GRIN1: variants seen among roughly 807,000 people sequenced by gnomAD.
The protein encoded by GRIN1 is glutamate receptor ionotropic, NMDA 1.
Under a neutral mutation model 103.0 loss-of-function variants are expected in GRIN1, and 38 were observed. The observed-to-expected ratio is 0.37, with a 90% CI of 0.28 to 0.48. The LOEUF (loss-of-function observed/expected upper bound fraction) is 0.48. Among genes scored for constraint, GRIN1 ranks in the 20% least tolerant of loss-of-function variants. The pLI is 0.98. For synonymous variants in GRIN1, 544 were observed against 532.7 expected (o/e 1.02, Z -0.29); for missense variants, 577 against 1,288.9 (o/e 0.45, Z 8.46).
At chr9:137,145,934 C>T (rs764238965) in intron 3 of GRIN1, 32 bp downstream of exon 3, 29 of 1,536,596 alleles carry the variant, frequency 1.9e-5, no homozygotes, top group Non-Finnish European at 2.5e-5. Context: ...GGGCGCCTGG[C>T]GGAGCCGAGG....
chr9:137,148,407 G>A (rs1235915756), intron 3 of GRIN1, among the ~76,000 whole-genome samples: 7 of 152,164 alleles, frequency 4.6e-5, no homozygotes, highest in Admixed American at 2.0e-4. Flanking sequence ...AGGCCCACCC[G>A]CCGTGACCCT....
Position 137,163,793 on chromosome 9 carries a change from C to T in GRIN1, c.2478C>T (p.Ala826=), listed in dbSNP as rs373412140. The T allele has an allele frequency of 3.7e-6, 6 of 1,613,462 alleles. No individual in the cohort carries two copies. The highest frequency in any genetic ancestry group is 1.3e-5 in the African/African-American group (1 of 74,932). Residue 826 remains alanine (A), a synonymous_variant, in exon 18 of 20, where the codon GCC becomes GCT. Coordinates refer to ENST00000371561, the MANE Select transcript of GRIN1 (RefSeq NM_007327.4). The stretch of plus-strand genomic sequence containing the variant: ...TGCTGGTAGCTGGGGGCATCGTGGC[C>T]GGGATCTTCCTGATTTTCATCGAGA... ...VFMLVAGGIV[A]GIFLIFIEIA... is the part of the protein sequence containing the mutation.
chr9:137,150,673 G>A (rs1443639268), intron 4 of GRIN1, among the ~76,000 whole-genome samples: 2 of 119,498 alleles, frequency 1.7e-5, no homozygotes, highest in African/African-American at 3.3e-5. Context: ...TCCGCCCAGG[G>A]AAAGCCCCGC....
chr9:137,168,568 T>C lies in GRIN1; in HGVS notation c.*1041T>C. 3.7e-6 allele frequency: 1 copy of C among 273,524 alleles called. No individual in the cohort carries two copies. The highest frequency in any genetic ancestry group is 6.8e-6 in the Non-Finnish European group (1 of 147,914). The allele number at this position is 273,524 out of a possible 1,614,324, so 16.9% of individuals were successfully genotyped here. ...GAGCGCCACCCGCCCGCCCCCGCCC[T>C]CGCTCCGGGTGCGTGACCGGCCCGC... On this transcript the variant is annotated 3_prime_UTR_variant, in exon 20 of 20. Coordinates refer to ENST00000371561, the MANE Select transcript of GRIN1 (RefSeq NM_007327.4).
At position 137,167,679 on chromosome 9, in the gene GRIN1, G is replaced by A. The variant is rs1408629832; in HGVS notation, c.*152G>A. On this transcript the variant is annotated 3_prime_UTR_variant, in exon 20 of 20. Coordinates refer to ENST00000371561, the MANE Select transcript of GRIN1 (RefSeq NM_007327.4). ...CCCAGGCTGCGCCTGCCCGCCCGCC[G>A]GTTGGCCGGCTGGCCGGTCCACCCC... is the stretch of plus-strand genomic sequence containing the variant. 7 of 1,555,096 alleles carry A rather than the reference G, an allele frequency of 4.5e-6. No homozygotes were observed. The highest frequency in any genetic ancestry group is 1.7e-4 in the Middle Eastern group (1 of 5,924).
intron 3 of GRIN1, among the ~76,000 whole-genome samples, chr9:137,148,628 C>T (rs1489880477): frequency 6.6e-6 from 1 of 152,262 alleles, no homozygotes; most frequent in Non-Finnish European, 1.5e-5. Flanking sequence ...TCAGCCCCAT[C>T]TCTTTTCCTG....
intron 18 of GRIN1, 188 bp downstream of exon 18, chr9:137,164,092 G>A: frequency 2.8e-6 from 2 of 724,680 alleles, no homozygotes; most frequent in Non-Finnish European, 4.8e-6. Context: ...CTGCCTGCAG[G>A]TGGCTGCCCA....
Position 137,146,988 on chromosome 9 carries a change from G to A in GRIN1, c.570+1086G>A, listed in dbSNP as rs1832570074. Among the ~76,000 whole-genome samples, 1 of 146,524 alleles carries A rather than the reference G, an allele frequency of 6.8e-6. No individual in the cohort carries two copies. The highest frequency in any genetic ancestry group is 1.5e-5 in the Non-Finnish European group (1 of 66,448). On this transcript the variant is annotated intron_variant, in intron 3 of 19. Coordinates refer to ENST00000371561, the MANE Select transcript of GRIN1 (RefSeq NM_007327.4). The surrounding 1 kb of genome is among the most constrained non-coding windows in gnomAD (Gnocchi z 6.7). ...CACCAAGGGCCCCACCCAAGACAGTGCCCCTCACCCCAGTGCCCGACAGGC... is the reference window on the plus strand; with the variant it reads ...CACCAAGGGCCCCACCCAAGACAGTACCCCTCACCCCAGTGCCCGACAGGC...
At chr9:137,159,812 G>A (rs1219655498) in intron 8 of GRIN1, among the ~76,000 whole-genome samples, 1 of 152,236 alleles carries the variant, frequency 6.6e-6, no homozygotes, top group Non-Finnish European at 1.5e-5. Context: ...CCTGGAGGCT[G>A]AGGGTGGGCG....
intron 4 of GRIN1, among the ~76,000 whole-genome samples, chr9:137,151,899 CTTTTT>C (rs138380793): frequency 3.2e-5 from 3 of 93,466 alleles, no homozygotes; most frequent in South Asian, 3.9e-4. Flanking sequence ...CTTGTGGCCT[CTTTTT>C]TTTTTTTTTT....
In GRIN1 at chr9:137,139,837, C is replaced by T. The variant is rs1018232695; in HGVS notation, c.258+93C>T. 3.7e-5 allele frequency: 38 copies of T among 1,040,750 alleles called. No individual in the cohort carries two copies. In the Admixed American group the frequency reaches 6.6e-4, roughly 18 times the overall value. 64.5% of individuals were successfully genotyped at this position (1,040,750 alleles called of 1,614,324 possible). A position where few individuals can be genotyped will look rare whatever the true frequency, so the allele number is the denominator to read the frequency against. On this transcript the variant is annotated intron_variant, in intron 1 of 19. Transcript: ENST00000371561. This position sits in a 1 kb window ranked among gnomAD's most constrained non-coding sequence, Gnocchi z 7.7. ...CATTCCATCCTTTCCGTGCCCCCTTCCTCCCTGTAAGACACCACCCCAGAG... is the reference window on the plus strand; with the variant it reads ...CATTCCATCCTTTCCGTGCCCCCTTTCTCCCTGTAAGACACCACCCCAGAG...
chr9:137,167,873 GC>G lies in GRIN1; in HGVS notation c.*349del. 6.3e-7 allele frequency: 1 copy of G among 1,597,750 alleles called. No homozygotes were observed. The highest frequency in any genetic ancestry group is 8.6e-7 in the Non-Finnish European group (1 of 1,167,894). ...CCGGAGGCGCCCACCTGCCCAGTTAGCCCGGCCAAGGACACTGATGGGTCCT... is the reference window on the plus strand; with the variant it reads ...CCGGAGGCGCCCACCTGCCCAGTTAGCCGGCCAAGGACACTGATGGGTCCT... On this transcript the variant is annotated 3_prime_UTR_variant, in exon 20 of 20. Transcript: ENST00000371561.
chr9:137,147,864 C>T (rs1156360022), intron 3 of GRIN1, among the ~76,000 whole-genome samples: 1 of 152,218 alleles, frequency 6.6e-6, no homozygotes, highest in Non-Finnish European at 1.5e-5. Flanking sequence ...GTGGGGCTCC[C>T]TCCGAACGGT....
intron 3 of GRIN1, among the ~76,000 whole-genome samples, chr9:137,147,135 A>T (rs937048760): frequency 6.9e-6 from 1 of 145,150 alleles, no homozygotes; most frequent in Non-Finnish European, 1.5e-5. Context: ...CCCATCACAC[A>T]CTCACCCCTG....
chr9:137,148,465 G>A (rs963406087), intron 3 of GRIN1, among the ~76,000 whole-genome samples: 4 of 152,280 alleles, frequency 2.6e-5, no homozygotes, highest in South Asian at 4.1e-4. Flanking sequence ...GCTGCTCTCC[G>A]GGAAGTGCAT....
At chr9:137,144,233 C>T (rs751067323) in intron 2 of GRIN1, among the ~76,000 whole-genome samples, 2 of 152,094 alleles carry the variant, frequency 1.3e-5, no homozygotes, top group Non-Finnish European at 2.9e-5. Flanking sequence ...CACTAAACCT[C>T]CTCCATTTCC....
At chr9:137,161,466 G>C (rs1474539542) in intron 10 of GRIN1, 50 bp downstream of exon 10, 1 of 1,574,488 alleles carries the variant, frequency 6.4e-7, no homozygotes, top group Non-Finnish European at 8.6e-7. Flanking sequence ...GCCTGCAGGC[G>C]CGGTCGGAGT....
At chr9:137,159,500 C>CT (rs900902679) in intron 8 of GRIN1, among the ~76,000 whole-genome samples, 2 of 152,222 alleles carry the variant, frequency 1.3e-5, no homozygotes, top group African/African-American at 2.4e-5. Context: ...CTCACCCAAG[C>CT]TCCCTTCCCT....
chr9:137,164,638 C>A (rs1833767331), intron 18 of GRIN1: 1 of 179,792 alleles, frequency 5.6e-6, no homozygotes, highest in Non-Finnish European at 1.2e-5. Flanking sequence ...TGCTCTTGGC[C>A]CCCACAGGTC....
Sources: gnomAD v4.1 joint callset for allele counts (sites outside exome capture counted in the v4.1 genomes callset) on GRCh38, gnomAD v4.1.1 for gene constraint, Gnocchi (gnomAD v3.1) non-coding constraint, MANE v1.5 for transcripts, NCBI Gene and HGNC (gene_info 2026-07-23, HGNC 2026-07-21) for gene names.